The following OLFM4 variants were observed in gnomAD, a reference collection of about 807,000 sequenced individuals.
The protein encoded by OLFM4 is olfactomedin-4.
In OLFM4, 22 loss-of-function variants were observed where a neutral mutation model predicts 25.5. That is an observed-to-expected ratio of 0.86 (90% CI 0.62 to 1.23). OLFM4 has a LOEUF of 1.23. Among genes scored for constraint, OLFM4 ranks in the 50% most tolerant of loss-of-function variants. The pLI, the probability that OLFM4 is intolerant of heterozygous loss-of-function variation, is 0.00. For synonymous variants in OLFM4, 255 were observed against 237.7 expected (o/e 1.07, Z -0.67); for missense variants, 594 against 619.4 (o/e 0.96, Z 0.44).
At chr13:53,029,115 C>A in intron 1 of OLFM4, 75 bp downstream of exon 1, 1 of 1,588,630 alleles carries the variant, frequency 6.3e-7, no homozygotes. Context: ...AATACAATTT[C>A]ATGGATGGCT....
intron 4 of OLFM4, among the ~76,000 whole-genome samples, chr13:53,047,137 G>A (rs1954719647): frequency 6.6e-6 from 1 of 152,212 alleles, no homozygotes; most frequent in Non-Finnish European, 1.5e-5. Context: ...AGAATTCTTG[G>A]ATCATGATTG....
intron 4 of OLFM4, among the ~76,000 whole-genome samples, chr13:53,047,252 G>T (rs1262911336): frequency 6.6e-6 from 1 of 152,182 alleles, no homozygotes; most frequent in Admixed American, 6.5e-5. Context: ...GAAGGGGCTG[G>T]CAAGGAGCAT....
intron 2 of OLFM4, among the ~76,000 whole-genome samples, 172 bp from the exon 3 acceptor site, chr13:53,041,738 T>G (rs1954687791): frequency 6.6e-6 from 1 of 152,214 alleles, no homozygotes; most frequent in Non-Finnish European, 1.5e-5. Flanking sequence ...AATAAGTTCT[T>G]TGTATATGGA....
intron 4 of OLFM4, among the ~76,000 whole-genome samples, chr13:53,045,547 C>G (rs1469927895): frequency 6.6e-6 from 1 of 152,142 alleles, no homozygotes; most frequent in Non-Finnish European, 1.5e-5. Flanking sequence ...CCTGTGGAGA[C>G]TTTAATTAAA....
chr13:53,037,054 T>G (rs771223710), intron 2 of OLFM4, among the ~76,000 whole-genome samples: 13 of 152,348 alleles, frequency 8.5e-5, no homozygotes, highest in South Asian at 6.2e-4. Flanking sequence ...AGTGAGTTAT[T>G]ACAGCTGTCC....
intron 2 of OLFM4, 70 bp from the exon 3 acceptor site, chr13:53,041,840 G>A (rs1333712322): frequency 1.9e-6 from 2 of 1,045,740 alleles, no homozygotes; most frequent in Non-Finnish European, 3.0e-6. Flanking sequence ...CAACTCAAGG[G>A]CTCGGTAGTG....
At chr13:53,043,988 A>T (rs915797514) in intron 4 of OLFM4, among the ~76,000 whole-genome samples, 4 of 152,140 alleles carry the variant, frequency 2.6e-5, no homozygotes, top group Admixed American at 2.6e-4. Flanking sequence ...GGGTACAAGA[A>T]CATAGCTTTA....
chr13:53,036,499 A>G (rs1954659478), intron 2 of OLFM4, among the ~76,000 whole-genome samples: 1 of 152,116 alleles, frequency 6.6e-6, no homozygotes, highest in African/African-American at 2.4e-5. Context: ...TGAATATGGG[A>G]CATTTAATTC....
intron 2 of OLFM4, among the ~76,000 whole-genome samples, chr13:53,039,494 A>G (rs1408798447): frequency 6.6e-6 from 1 of 152,232 alleles, no homozygotes; most frequent in Non-Finnish European, 1.5e-5. Flanking sequence ...ATAACCATGT[A>G]ACAACAGGAA....
intron 2 of OLFM4, among the ~76,000 whole-genome samples, chr13:53,037,029 G>A (rs142027335): frequency 7.0e-4 from 107 of 152,310 alleles, no homozygotes; most frequent in African/African-American, 2.5e-3. Context: ...TTAGCTGAGG[G>A]CTTTCGAATT....
At chr13:53,047,150 C>A (rs1428590500) in intron 4 of OLFM4, among the ~76,000 whole-genome samples, 2 of 152,144 alleles carry the variant, frequency 1.3e-5, no homozygotes, top group Non-Finnish European at 2.9e-5. Flanking sequence ...CATGATTGGG[C>A]AATGGGCTGT....
intron 1 of OLFM4, 116 bp downstream of exon 1, chr13:53,029,156 C>T: frequency 6.9e-7 from 1 of 1,459,082 alleles, no homozygotes; most frequent in South Asian, 1.3e-5. Flanking sequence ...ATTTACGACT[C>T]ATTTTGTTAA....
In OLFM4 at chr13:53,050,679, A is replaced by G. The variant is rs768467258; in HGVS notation, c.1441A>G (p.Ile481Val). The G allele has an allele frequency of 6.2e-7, 1 of 1,614,004 alleles. No homozygotes were observed. Among genetic ancestry groups the G allele is most frequent in the Admixed American group, 1.7e-5 (1 of 60,008 alleles). Residue 481 changes from isoleucine (I) to valine (V), a missense_variant, in exon 5 of 5, where the codon ATT becomes GTT. Coordinates refer to ENST00000219022, the MANE Select transcript of OLFM4 (RefSeq NM_006418.5). ...TAAGATGCAGGAAAAAGTGCAGAGC[A>G]TTAACTATAACCCTTTTGACCAGAA... ...MHKMQEKVQS[I>V]NYNPFDQKLY... is the part of the protein sequence containing the mutation.
chr13:53,028,866 C>T lies in OLFM4; in HGVS notation c.30C>T (p.Ala10=), dbSNP rs1479155255. The part of the protein sequence containing the change: MRPGLSFLL[A]LLFFLGQAAG... Reference sequence around the variant, plus strand: ...GGCCCGGCCTCTCATTTCTCCTAGCCCTTCTGTTCTTCCTTGGCCAAGCTG... The same window carrying T: ...GGCCCGGCCTCTCATTTCTCCTAGCTCTTCTGTTCTTCCTTGGCCAAGCTG... The change falls in exon 1 of 5, where the codon GCC becomes GCT. Residue 10 remains alanine, a synonymous_variant. Coordinates refer to ENST00000219022, the MANE Select transcript of OLFM4 (RefSeq NM_006418.5). The T allele has an allele frequency of 6.2e-7, 1 of 1,614,080 alleles. No homozygotes were observed. The highest frequency in any genetic ancestry group is 1.3e-5 in the African/African-American group (1 of 74,922).
intron 4 of OLFM4, among the ~76,000 whole-genome samples, chr13:53,047,851 G>A (rs1162759733): frequency 6.6e-6 from 1 of 152,006 alleles, no homozygotes; most frequent in Non-Finnish European, 1.5e-5. Context: ...TAACCTCTTG[G>A]TAGTGCTTGA....
intron 4 of OLFM4, among the ~76,000 whole-genome samples, chr13:53,048,195 G>A (rs575980726): frequency 6.6e-6 from 1 of 152,252 alleles, no homozygotes; most frequent in African/African-American, 2.4e-5. Context: ...ACTTTTAGTA[G>A]AAGAAATAAT....
At chr13:53,033,791 TG>T (rs1182010344) in intron 1 of OLFM4, among the ~76,000 whole-genome samples, 2 of 152,142 alleles carry the variant, frequency 1.3e-5, no homozygotes, top group Non-Finnish European at 2.9e-5. Flanking sequence ...CCGGGCGCGG[TG>T]GCTCACGCCT....
At chr13:53,043,829 T>C (rs964273170) in intron 4 of OLFM4, among the ~76,000 whole-genome samples, 1 of 152,224 alleles carries the variant, frequency 6.6e-6, no homozygotes, top group African/African-American at 2.4e-5. Flanking sequence ...TATCATGTGC[T>C]TGTGGGTGTG....
At chr13:53,045,438 G>T (rs1445511675) in intron 4 of OLFM4, among the ~76,000 whole-genome samples, 1 of 152,004 alleles carries the variant, frequency 6.6e-6, no homozygotes, top group Non-Finnish European at 1.5e-5. Context: ...CTGACTTTTG[G>T]TCATGTTTTT....
Sources: allele counts gnomAD v4.1 joint callset (sites outside exome capture counted in the v4.1 genomes callset), GRCh38; gene constraint gnomAD v4.1.1; transcripts MANE v1.5; gene names NCBI Gene and HGNC (gene_info 2026-07-23, HGNC 2026-07-21).